The following IBTK variants were observed in gnomAD, a reference collection of about 807,000 sequenced individuals.
IBTK encodes inhibitor of Bruton tyrosine kinase, also known as BTK-binding protein.
Under a neutral mutation model 154.9 loss-of-function variants are expected in IBTK, and 83 were observed. The ratio of observed to expected loss-of-function variants is 0.54; its 90% CI spans 0.45 to 0.64. IBTK has a LOEUF of 0.64. Ranked by LOEUF, IBTK falls within the 30% of genes least tolerant of loss-of-function variation. IBTK has a pLI of 0.00. For synonymous variants in IBTK, 515 were observed against 536.1 expected (o/e 0.96, Z 0.54); for missense variants, 1,332 against 1,584.6 (o/e 0.84, Z 2.71).
At chr6:82,183,985 C>T (rs1414261160) in intron 25 of IBTK, among the ~76,000 whole-genome samples, 1 of 152,202 alleles carries the variant, frequency 6.6e-6, no homozygotes, top group African/African-American at 2.4e-5. Context: ...GACATCCCAG[C>T]CTCTAGAACT....
At chr6:82,178,948 C>T (rs1337416544) in intron 26 of IBTK, among the ~76,000 whole-genome samples, 2 of 152,228 alleles carry the variant, frequency 1.3e-5, no homozygotes, top group East Asian at 3.8e-4. Context: ...AGGAGCCAGA[C>T]TATGTAGGCC....
chr6:82,209,379 A>G (rs1455475246), intron 16 of IBTK, among the ~76,000 whole-genome samples: 2 of 152,270 alleles, frequency 1.3e-5, no homozygotes, highest in Non-Finnish European at 2.9e-5. Context: ...TTATTTGGCA[A>G]TAAAAAACAA....
At chr6:82,246,709 T>G (rs1771161420) in intron 1 of IBTK, among the ~76,000 whole-genome samples, 1 of 152,152 alleles carries the variant, frequency 6.6e-6, no homozygotes, top group Non-Finnish European at 1.5e-5. Flanking sequence ...CTTGCCTCAA[T>G]TTCTAAAACA....
chr6:82,218,676 G>C (rs1453725611), intron 9 of IBTK, among the ~76,000 whole-genome samples: 1 of 152,136 alleles, frequency 6.6e-6, no homozygotes, highest in Admixed American at 6.5e-5. Context: ...GTAGCTCCAG[G>C]GGACTTGCTA....
chr6:82,229,477 G>C (rs901297172), intron 4 of IBTK, among the ~76,000 whole-genome samples: 1 of 151,966 alleles, frequency 6.6e-6, no homozygotes, highest in African/African-American at 2.4e-5. Context: ...CCTCAAAAAA[G>C]GAAAAACAGG....
At chr6:82,195,489 A>G (rs1768949007) in intron 22 of IBTK, among the ~76,000 whole-genome samples, 1 of 151,872 alleles carries the variant, frequency 6.6e-6, no homozygotes, top group African/African-American at 2.4e-5. Context: ...TAGGTGGGAG[A>G]ATCACCTAAG....
In IBTK at chr6:82,194,596, C is replaced by A; in HGVS notation, c.3221G>T (p.Arg1074Met). The change falls in exon 23 of 29, where the codon AGG (arginine) becomes ATG (methionine). Residue 1074 changes from arginine to methionine, a missense_variant. Coordinates refer to ENST00000306270, the MANE Select transcript of IBTK (RefSeq NM_015525.4). ...CTTTTCCCATGGTTTTAAATCTTCC[C>A]TAGAATACACAGGAGATGTACCATT... is the stretch of plus-strand genomic sequence containing the variant. ...YVNGTSPVYS[R>M]EDLKPWEKSP... is the part of the protein sequence containing the mutation. 2 of 1,609,804 alleles carry A rather than the reference C, an allele frequency of 1.2e-6. No individual in the cohort carries two copies. Among genetic ancestry groups the A allele is most frequent in the Non-Finnish European group, 1.7e-6 (2 of 1,177,758 alleles).
At chr6:82,212,244 C>A (rs1238906388) in intron 13 of IBTK, among the ~76,000 whole-genome samples, 1 of 152,070 alleles carries the variant, frequency 6.6e-6, no homozygotes, top group Admixed American at 6.6e-5. Flanking sequence ...CCTCGGCCCC[C>A]CAAAGTGCTG....
chr6:82,246,318 A>C (rs1415671228), intron 1 of IBTK, among the ~76,000 whole-genome samples: 2 of 151,912 alleles, frequency 1.3e-5, no homozygotes, highest in Non-Finnish European at 2.9e-5. Context: ...GGCACACATC[A>C]CCATGCCTGG....
chr6:82,170,931 C>G lies in IBTK; in HGVS notation c.*494G>C, dbSNP rs984664647. The stretch of plus-strand genomic sequence containing the variant: ...GATTAGCCTGATTTTTAAAAAGCAA[C>G]AAGAATGGTGACACAACTATTACAC... On this transcript the variant is annotated 3_prime_UTR_variant, in exon 29 of 29. Transcript: ENST00000306270. The G allele has an allele frequency of 2.6e-5, 4 of 152,844 alleles. No individual in the cohort carries two copies. Among genetic ancestry groups the G allele is most frequent in the African/African-American group, 9.7e-5 (4 of 41,426 alleles). The allele number at this position is 152,844 out of a possible 1,614,324, so 9.5% of individuals were successfully genotyped here.
intron 18 of IBTK, among the ~76,000 whole-genome samples, chr6:82,202,003 A>C (rs1050602660): frequency 2.0e-5 from 3 of 151,980 alleles, no homozygotes; most frequent in African/African-American, 7.2e-5. Flanking sequence ...TGGGATTACA[A>C]GCATAAGCCA....
intron 17 of IBTK, among the ~76,000 whole-genome samples, chr6:82,204,102 C>T (rs1277514105): frequency 2.0e-5 from 3 of 152,020 alleles, no homozygotes; most frequent in Non-Finnish European, 4.4e-5. Flanking sequence ...AATATGTAAA[C>T]AGGGGGAAGA....
At chr6:82,234,512 A>G (rs781517606) in intron 2 of IBTK, among the ~76,000 whole-genome samples, 1 of 151,308 alleles carries the variant, frequency 6.6e-6, no homozygotes, top group Non-Finnish European at 1.5e-5. Context: ...CTAATTTTCT[A>G]TTTTTAGTAG....
At chr6:82,185,010 C>A (rs1562073382) in intron 25 of IBTK, among the ~76,000 whole-genome samples, 5 of 151,618 alleles carry the variant, frequency 3.3e-5, no homozygotes, top group South Asian at 2.1e-4. Context: ...TGATGAAACC[C>A]CATCTCTACT....
chr6:82,245,329 C>T (rs140912242), intron 1 of IBTK, among the ~76,000 whole-genome samples: 2 of 152,150 alleles, frequency 1.3e-5, no homozygotes, highest in African/African-American at 4.8e-5. Context: ...TAGGCTGAGG[C>T]AGGCAAATCA....
intron 1 of IBTK, among the ~76,000 whole-genome samples, chr6:82,242,918 A>G (rs1771007300): frequency 6.8e-6 from 1 of 147,974 alleles, no homozygotes; most frequent in Non-Finnish European, 1.5e-5. Context: ...GTCTGGTGAC[A>G]AAGCAAGACT....
rs1460421217 is a variant in IBTK, at chr6:82,214,339, G to T, written c.2092C>A (p.Gln698Lys). ...TTACAAGATTTAGGTTTGCTCTTCT[G>T]CCTCTCACTAACTGTTTGAGCTTGA... Reference protein sequence around the residue: ...SNQAQTVSERQKSKPKSCKKG... With the variant: ...SNQAQTVSERKKSKPKSCKKG... Residue 698 changes from glutamine to lysine, a missense_variant, in exon 12 of 29, where the codon CAG becomes AAG. By Grantham distance (53) the Gln-to-Lys change is moderately conservative. This residue lies in a region of IBTK where 1,134 missense variants were observed against 1,274.7 expected (regional missense o/e 0.89). Transcript: ENST00000306270. 6.2e-7 allele frequency: 1 copy of T among 1,613,836 alleles called. No individual in the cohort carries two copies. The highest frequency in any genetic ancestry group is 1.3e-5 in the African/African-American group (1 of 74,870).
chr6:82,178,059 A>G (rs1768181512), intron 26 of IBTK, among the ~76,000 whole-genome samples: 1 of 152,220 alleles, frequency 6.6e-6, no homozygotes, highest in Non-Finnish European at 1.5e-5. Flanking sequence ...CTTTTTAAAA[A>G]AGCATACTTA....
At position 82,171,520 on chromosome 6, in the gene IBTK, A is replaced by G; in HGVS notation, c.3967T>C (p.Tyr1323His). 6.2e-7 allele frequency: 1 copy of G among 1,611,358 alleles called. No individual in the cohort carries two copies. Among genetic ancestry groups the G allele is most frequent in the Non-Finnish European group, 8.5e-7 (1 of 1,178,280 alleles). Residue 1323 changes from tyrosine to histidine, a missense_variant, in exon 29 of 29, where the codon TAT becomes CAT. Transcript: ENST00000306270. ...EHAIQDLLVF[Y>H]EAFGNPEEFV... ...TCTTCAGGGTTGCCAAATGCCTCATAGAAAACCAATAAATCTTGTATGGCA... is the reference window on the plus strand; with the variant it reads ...TCTTCAGGGTTGCCAAATGCCTCATGGAAAACCAATAAATCTTGTATGGCA...
Sources: allele counts gnomAD v4.1 joint callset (sites outside exome capture counted in the v4.1 genomes callset), GRCh38; gene constraint gnomAD v4.1.1; regional missense constraint gnomAD v4.1.1; transcripts MANE v1.5; gene names NCBI Gene and HGNC (gene_info 2026-07-23, HGNC 2026-07-21).